Variants in CSMD1 observed in about 807,000 individuals in gnomAD.
CSMD1 encodes the protein CUB and sushi domain-containing protein 1.
In CSMD1, 213 loss-of-function variants were observed where a neutral mutation model predicts 417.5. The ratio of observed to expected loss-of-function variants is 0.51; its 90% confidence interval spans 0.46 to 0.57. The LOEUF is 0.57. CSMD1 is among the 20% of genes least tolerant of loss of function. The probability of loss-of-function intolerance (pLI) is 0.00; values close to 1 mark genes in which losing one functional copy is unlikely to be tolerated. For missense variants in CSMD1, 6,923 were observed against 4,529.7 expected (o/e 1.53, Z -15.17); for synonymous variants, 2,862 against 1,736.8 (o/e 1.65, Z -16.11).
chr8:4,791,179 C>T (rs1335373723), intron 1 of CSMD1, among the ~76,000 whole-genome samples: 1 of 152,076 alleles, frequency 6.6e-6, no homozygotes, highest in Admixed American at 6.6e-5. Flanking sequence ...GCCAAGAAAA[C>T]AGACCACTGG....
intron 3 of CSMD1, among the ~76,000 whole-genome samples, chr8:4,166,892 G>T (rs920066849): frequency 2.6e-5 from 4 of 152,142 alleles, no homozygotes; most frequent in African/African-American, 9.7e-5. Flanking sequence ...TATTTCCTTA[G>T]CAGCAGCAGC....
At chr8:3,099,586 T>A (rs1371847877) in intron 46 of CSMD1, among the ~76,000 whole-genome samples, 5 of 152,210 alleles carry the variant, frequency 3.3e-5, no homozygotes, top group African/African-American at 9.6e-5. Context: ...TGAGATTTTA[T>A]AACTGCAGCT....
In CSMD1 at chr8:3,869,773, T is replaced by G. The variant is rs563016743; in HGVS notation, c.819-115731A>C. Among the ~76,000 whole-genome samples, 3 of 152,202 alleles carry G rather than the reference T, an allele frequency of 2.0e-5. No homozygotes were observed. In the East Asian group the frequency reaches 5.8e-4, roughly 30 times the overall value. On this transcript the variant is annotated intron_variant, in intron 5 of 69. Transcript: ENST00000635120. ...AGCAGGCAACACGGGGCCAGGGGTT[T>G]GATGTCAGGGAAGGCAAGATGGGAG...
chr8:4,777,967 A>C (rs889633532), intron 1 of CSMD1, among the ~76,000 whole-genome samples: 4 of 152,230 alleles, frequency 2.6e-5, no homozygotes, highest in African/African-American at 9.6e-5. Flanking sequence ...AATACGTTTT[A>C]CATAGGGTTA....
At chr8:3,770,201 A>G (rs1994054) in intron 5 of CSMD1, among the ~76,000 whole-genome samples, 3 of 152,020 alleles carry the variant, frequency 2.0e-5, no homozygotes, top group Admixed American at 6.5e-5. Flanking sequence ...ATTTTGAAAC[A>G]TTTCTACACA....
chr8:4,280,131 T>C (rs1036463246), intron 3 of CSMD1, among the ~76,000 whole-genome samples: 2 of 152,248 alleles, frequency 1.3e-5, no homozygotes, highest in Non-Finnish European at 2.9e-5. Context: ...ACACTTCAAA[T>C]GTAAATATTC....
chr8:4,659,424 T>A (rs568147505), intron 1 of CSMD1, among the ~76,000 whole-genome samples: 1 of 152,276 alleles, frequency 6.6e-6, no homozygotes, highest in Admixed American at 6.5e-5. Flanking sequence ...ACAAACATAA[T>A]GTGACATAGA....
At chr8:3,582,064 G>C (rs574110827) in intron 9 of CSMD1, among the ~76,000 whole-genome samples, 6 of 152,242 alleles carry the variant, frequency 3.9e-5, no homozygotes, top group South Asian at 4.2e-4. Context: ...CAAAGGGCTG[G>C]GATTACAGGC....
chr8:3,541,933 G>T (rs1181555698), intron 10 of CSMD1, among the ~76,000 whole-genome samples: 2 of 152,028 alleles, frequency 1.3e-5, no homozygotes, highest in Non-Finnish European at 2.9e-5. Context: ...GTGGTGGCTT[G>T]TACACCCAGG....
chr8:4,680,986 G>C (rs1806014516), intron 1 of CSMD1, among the ~76,000 whole-genome samples: 1 of 151,620 alleles, frequency 6.6e-6, no homozygotes, highest in African/African-American at 2.4e-5. Flanking sequence ...GAGAGAGAGA[G>C]AGAGAGAGAG....
At chr8:4,442,395 A>G (rs1798537580) in intron 2 of CSMD1, among the ~76,000 whole-genome samples, 1 of 152,198 alleles carries the variant, frequency 6.6e-6, no homozygotes, top group Non-Finnish European at 1.5e-5. Flanking sequence ...AACAAAGCCT[A>G]CGTTTCCAGT....
intron 1 of CSMD1, among the ~76,000 whole-genome samples, chr8:4,802,379 A>G (rs1798347985): frequency 2.1e-5 from 3 of 145,212 alleles, no homozygotes; most frequent in Admixed American, 6.9e-5. Flanking sequence ...GTGTGTGTGT[A>G]GGGATAGTGA....
intron 4 of CSMD1, among the ~76,000 whole-genome samples, chr8:4,021,792 T>A (rs1585147940): frequency 6.6e-6 from 1 of 152,180 alleles, no homozygotes; most frequent in Non-Finnish European, 1.5e-5. Context: ...AGAAGCCATT[T>A]AGTGATAAAA....
intron 11 of CSMD1, among the ~76,000 whole-genome samples, chr8:3,492,114 G>C (rs1454151127): frequency 6.6e-6 from 1 of 152,182 alleles, no homozygotes; most frequent in Non-Finnish European, 1.5e-5. Flanking sequence ...AAAGGCGTGT[G>C]TCTGAACTAC....
At chr8:3,127,989 G>A (rs1478272876) in intron 41 of CSMD1, 1 of 136,562 alleles carries the variant, frequency 7.3e-6, no homozygotes, top group Non-Finnish European at 1.6e-5. Context: ...AGAAGGGAGG[G>A]AGGGAGGGAC....
intron 7 of CSMD1, among the ~76,000 whole-genome samples, chr8:3,690,320 C>T (rs1405249594): frequency 2.0e-5 from 3 of 152,220 alleles, no homozygotes; most frequent in African/African-American, 4.8e-5. Flanking sequence ...CGCACCACTG[C>T]ACTGCAGCCT....
intron 3 of CSMD1, among the ~76,000 whole-genome samples, chr8:4,114,022 A>G (rs1802000928): frequency 6.6e-6 from 1 of 152,240 alleles, no homozygotes. Flanking sequence ...TCTCCAGAAC[A>G]TCTAAGATCA....
chr8:3,322,482 T>C (rs562452737), intron 23 of CSMD1, among the ~76,000 whole-genome samples: 93 of 152,318 alleles, frequency 6.1e-4, no homozygotes, highest in African/African-American at 2.2e-3. Flanking sequence ...TTACGCTAAA[T>C]TGCCTTAAGG....
intron 2 of CSMD1, among the ~76,000 whole-genome samples, chr8:4,632,537 C>G (rs1154582): frequency 0.71 from 107,307 of 151,956 alleles, 38,331 homozygotes; most frequent in Admixed American, 0.8. Flanking sequence ...CAGGGAAAAA[C>G]TCAAGACGTT....
Sources: gnomAD v4.1 joint callset for allele counts (sites outside exome capture counted in the v4.1 genomes callset) on GRCh38, gnomAD v4.1.1 for gene constraint, MANE v1.5 for transcripts, NCBI Gene and HGNC (gene_info 2026-07-23, HGNC 2026-07-21) for gene names.